RNF111: variants seen among roughly 807,000 people sequenced by gnomAD.
RNF111 encodes the protein E3 ubiquitin-protein ligase Arkadia.
Under a neutral mutation model 95.1 loss-of-function variants are expected in RNF111, and 17 were observed. The ratio of observed to expected loss-of-function variants is 0.18; its 90% CI spans 0.12 to 0.27. RNF111 has a LOEUF of 0.27. RNF111 is among the 10% of genes least tolerant of loss of function. The pLI is 1.00. For missense variants in RNF111, 1,189 were observed against 1,210.4 expected, an observed-to-expected ratio of 0.98 and a Z score of 0.26; for synonymous variants, 440 against 414.8, an observed-to-expected ratio of 1.06 and a Z score of -0.74.
At chr15:59,034,038 C>T (rs2041049248) in intron 2 of RNF111, among the ~76,000 whole-genome samples, 1 of 152,136 alleles carries the variant, frequency 6.6e-6, no homozygotes. Context: ...TTCTTCAGAT[C>T]CTCCAGTGTT....
At chr15:58,998,479 G>A (rs961671772) in intron 1 of RNF111, among the ~76,000 whole-genome samples, 1 of 151,982 alleles carries the variant, frequency 6.6e-6, no homozygotes, top group African/African-American at 2.4e-5. Context: ...GTTGTTACAG[G>A]GTCTTCCATT....
chr15:59,092,753 T>C (rs2079086704), intron 13 of RNF111, 113 bp downstream of exon 13: 1 of 1,075,934 alleles, frequency 9.3e-7, no homozygotes, highest in Admixed American at 2.8e-5. Context: ...CAGCACTTTT[T>C]GAGGCCAAGG....
chr15:59,005,986 A>T (rs2039523726), intron 1 of RNF111, among the ~76,000 whole-genome samples: 2 of 152,212 alleles, frequency 1.3e-5, no homozygotes, highest in Non-Finnish European at 2.9e-5. Context: ...TTGCCTGAGC[A>T]AAGAATTCCA....
chr15:59,066,823 A>T lies in RNF111; in HGVS notation c.1426A>T (p.Arg476Trp), dbSNP rs1302868235. 1.9e-6 allele frequency: 3 copies of T among 1,613,950 alleles called. No homozygotes were observed. The highest frequency in any genetic ancestry group is 2.5e-6 in the Non-Finnish European group (3 of 1,180,012). Residue 476 changes from arginine (R) to tryptophan (W), a missense_variant, in exon 6 of 14, where the codon AGG becomes TGG. Coordinates refer to ENST00000348370, the MANE Select transcript of RNF111 (RefSeq NM_017610.8). ...GGAAACTGGCCCTCCTGCAATGCCA[A>T]GGTTACCTTCCTGCTGTCCCCAGCA... ...VTETGPPAMP[R>W]LPSCCPQHSP...
intron 2 of RNF111, among the ~76,000 whole-genome samples, chr15:59,046,838 ATT>A (rs1330399850): frequency 3.9e-5 from 6 of 152,160 alleles, no homozygotes; most frequent in Non-Finnish European, 7.4e-5. Flanking sequence ...AAAGACTTGT[ATT>A]CAGGATATAT....
chr15:59,059,860 A>T (rs1372225219), intron 5 of RNF111, among the ~76,000 whole-genome samples: 1 of 152,194 alleles, frequency 6.6e-6, no homozygotes, highest in Non-Finnish European at 1.5e-5. Context: ...GGATTGACTA[A>T]ATCACCATTA....
At chr15:58,989,360 T>G (rs995437002) in intron 1 of RNF111, among the ~76,000 whole-genome samples, 1 of 152,248 alleles carries the variant, frequency 6.6e-6, no homozygotes, top group Admixed American at 6.5e-5. Flanking sequence ...CCATTTAACC[T>G]TGGACAAATG....
chr15:59,031,076 A>T lies in RNF111; in HGVS notation c.254A>T (p.Gln85Leu). The change falls in exon 2 of 14, where the codon CAA (glutamine) becomes CTA (leucine). Residue 85 changes from glutamine (Q) to leucine (L), a missense_variant. Physicochemically the swap from Gln to Leu is moderately radical, Grantham distance 113 (BLOSUM62 -2). Coordinates refer to ENST00000348370, the MANE Select transcript of RNF111 (RefSeq NM_017610.8). ...GAAATGAATGGTAACCAGCAAGAAC[A>T]AGAAAAAAGTCTCGTTGTGAGGAAA... ...EKEMNGNQQE[Q>L]EKSLVVRKKR... 6.2e-7 allele frequency: 1 copy of T among 1,614,298 alleles called. No individual in the cohort carries two copies. Among genetic ancestry groups the T allele is most frequent in the Non-Finnish European group, 8.5e-7 (1 of 1,180,058 alleles).
At chr15:59,072,296 A>C (rs888326075) in intron 6 of RNF111, among the ~76,000 whole-genome samples, 9 of 152,160 alleles carry the variant, frequency 5.9e-5, no homozygotes, top group Non-Finnish European at 1.3e-4. Flanking sequence ...TCTCTGTAGC[A>C]CATGATGCTG....
intron 1 of RNF111, among the ~76,000 whole-genome samples, chr15:58,997,130 A>C (rs539044405): frequency 1.3e-5 from 2 of 152,088 alleles, no homozygotes; most frequent in Non-Finnish European, 2.9e-5. Context: ...AGTGTACCAA[A>C]TTTATAAGGT....
At chr15:59,084,378 C>A in intron 9 of RNF111, 124 bp downstream of exon 9, 1 of 933,050 alleles carries the variant, frequency 1.1e-6, no homozygotes, top group Non-Finnish European at 1.5e-6. Flanking sequence ...CCCAGTTTAA[C>A]TGAGACACTG....
At chr15:59,091,635 AC>A (rs1469621379) in intron 12 of RNF111, among the ~76,000 whole-genome samples, 2 of 152,094 alleles carry the variant, frequency 1.3e-5, no homozygotes, top group Non-Finnish European at 2.9e-5. Flanking sequence ...CTTCTACTCT[AC>A]CCTCAGTTGC....
intron 8 of RNF111, among the ~76,000 whole-genome samples, chr15:59,083,310 G>C (rs1363218942): frequency 6.6e-6 from 1 of 152,080 alleles, no homozygotes; most frequent in African/African-American, 2.4e-5. Flanking sequence ...CACTTTGGGA[G>C]GCCAAGGTGG....
chr15:59,013,548 G>T (rs1337431260), intron 1 of RNF111, among the ~76,000 whole-genome samples: 6 of 152,146 alleles, frequency 3.9e-5, no homozygotes, highest in African/African-American at 1.4e-4. Flanking sequence ...TCATCACATT[G>T]TATCAGGAGT....
At chr15:59,069,453 A>G (rs1289272270) in intron 6 of RNF111, among the ~76,000 whole-genome samples, 1 of 152,254 alleles carries the variant, frequency 6.6e-6, no homozygotes, top group Non-Finnish European at 1.5e-5. Flanking sequence ...TATTAATAAA[A>G]TAATACAGCT....
At chr15:59,011,278 C>T in intron 1 of RNF111, among the ~76,000 whole-genome samples, 1 of 152,184 alleles carries the variant, frequency 6.6e-6, no homozygotes, top group Non-Finnish European at 1.5e-5. Flanking sequence ...AGTTTCAGTG[C>T]ATACCTCTAT....
chr15:59,045,498 C>A (rs2041666981), intron 2 of RNF111, among the ~76,000 whole-genome samples: 1 of 152,012 alleles, frequency 6.6e-6, no homozygotes, highest in African/African-American at 2.4e-5. Flanking sequence ...CTTAGTTTTT[C>A]CTCTTTTTAA....
intron 3 of RNF111, among the ~76,000 whole-genome samples, chr15:59,053,794 A>C (rs2042091609): frequency 1.3e-5 from 2 of 152,164 alleles, no homozygotes; most frequent in Non-Finnish European, 2.9e-5. Flanking sequence ...GATGTCAAGC[A>C]GATGCATTTA....
intron 6 of RNF111, among the ~76,000 whole-genome samples, chr15:59,072,118 T>A (rs1383296809): frequency 6.6e-6 from 1 of 152,232 alleles, no homozygotes; most frequent in African/African-American, 2.4e-5. Context: ...CCTCTGAGAC[T>A]TCAGCAAATT....
Sources: allele counts gnomAD v4.1 joint callset (sites outside exome capture counted in the v4.1 genomes callset), GRCh38; gene constraint gnomAD v4.1.1; transcripts MANE v1.5; gene names NCBI Gene and HGNC (gene_info 2026-07-23, HGNC 2026-07-21).